The following FAF1 variants were observed in gnomAD, a reference collection of about 807,000 sequenced individuals.
The protein encoded by FAF1 is FAS-associated factor 1.
A neutral mutation model predicts 92.5 loss-of-function variants in FAF1; 25 were observed. The observed-to-expected ratio is 0.27, with a 90% CI of 0.20 to 0.38. The LOEUF (loss-of-function observed/expected upper bound fraction) is 0.38, where lower values mean the gene tolerates loss of function less well. FAF1 is among the 10% of genes least tolerant of loss of function. The pLI is 1.00. For missense variants in FAF1, 636 were observed against 793.3 expected (o/e 0.80, Z 2.38); for synonymous variants, 234 against 273.2 (o/e 0.86, Z 1.42).
At chr1:50,558,784 G>A (rs1572833199) in intron 13 of FAF1, among the ~76,000 whole-genome samples, 1 of 152,192 alleles carries the variant, frequency 6.6e-6, no homozygotes, top group East Asian at 1.9e-4. Context: ...GATTAGTGCA[G>A]AGGAAAATGA....
chr1:50,642,573 C>T (rs1019486217), intron 8 of FAF1, among the ~76,000 whole-genome samples: 2 of 151,658 alleles, frequency 1.3e-5, no homozygotes, highest in African/African-American at 2.4e-5. Flanking sequence ...CACTTGAACC[C>T]GGGAGGCAGA....
chr1:50,490,967 T>G lies in FAF1; in HGVS notation c.1576-302A>C, dbSNP rs138647833. Among the ~76,000 whole-genome samples, 1,012 of 152,318 alleles carry G rather than the reference T, an allele frequency of 6.6e-3. 15 individuals are homozygous for G. Among genetic ancestry groups the G allele is most frequent in the African/African-American group, 0.023 (945 of 41,566 alleles). On this transcript the variant is annotated intron_variant, in intron 16 of 18. Transcript: ENST00000396153. ...CAGGACATCCTTTGGTCTTCCTTTCTGACCTTTTCTATCTACCCTGTACCC... is the reference window on the plus strand; with the variant it reads ...CAGGACATCCTTTGGTCTTCCTTTCGGACCTTTTCTATCTACCCTGTACCC...
chr1:50,467,228 C>T (rs1242898391), intron 18 of FAF1, among the ~76,000 whole-genome samples: 6 of 152,044 alleles, frequency 3.9e-5, no homozygotes, highest in Non-Finnish European at 5.9e-5. Flanking sequence ...GGCAGTGACC[C>T]AGAAATAGGA....
At chr1:50,762,562 C>T (rs1352862520) in intron 4 of FAF1, among the ~76,000 whole-genome samples, 1 of 152,070 alleles carries the variant, frequency 6.6e-6, no homozygotes, top group Middle Eastern at 3.2e-3. Context: ...TGATCTTTGA[C>T]AAACCTGAGA....
At position 50,705,899 on chromosome 1, in the gene FAF1, G is replaced by C. The variant is rs779210306; in HGVS notation, c.552-8C>G. ...AATGACTCCTGCAGGGCACTGAAAGGGTTGAAAGAAAAACAAGGAACTCAG... is the reference window on the plus strand; with the variant it reads ...AATGACTCCTGCAGGGCACTGAAAGCGTTGAAAGAAAAACAAGGAACTCAG... On this transcript the variant is annotated splice_region_variant and splice_polypyrimidine_tract_variant and intron_variant, in intron 6 of 18. Transcript: ENST00000396153. The C allele has an allele frequency of 8.9e-6, 14 of 1,564,436 alleles. No individual in the cohort carries two copies. In the African/African-American group the frequency reaches 1.1e-4, roughly 12 times the overall value.
chr1:50,731,827 T>A (rs1452310107), intron 6 of FAF1, among the ~76,000 whole-genome samples: 7 of 152,192 alleles, frequency 4.6e-5, no homozygotes, highest in African/African-American at 7.2e-5. Flanking sequence ...TAAATTGTTT[T>A]GAAGTAAATT....
chr1:50,721,921 G>A lies in FAF1; in HGVS notation c.552-16030C>T, dbSNP rs1341543525. ...TTACAGTAGGAAGCCACTGTGCCTG[G>A]CCAGGTCTCCTTTTCTGCTGCACTG... On this transcript the variant is annotated intron_variant, in intron 6 of 18. Transcript: ENST00000396153. Among the ~76,000 whole-genome samples the A allele has an allele frequency of 3.3e-5, 5 of 152,112 alleles. No individual in the cohort carries two copies. In the East Asian group the frequency reaches 9.6e-4, roughly 29 times the overall value.
intron 1 of FAF1, among the ~76,000 whole-genome samples, chr1:50,948,064 G>C (rs181095751): frequency 6.6e-6 from 1 of 152,260 alleles, no homozygotes; most frequent in East Asian, 1.9e-4. Flanking sequence ...AAAGAAGAGA[G>C]ATGTACAAAA....
chr1:50,456,988 T>C (rs899141814), intron 18 of FAF1, among the ~76,000 whole-genome samples: 1 of 152,242 alleles, frequency 6.6e-6, no homozygotes, highest in Non-Finnish European at 1.5e-5. Context: ...TTTCTGCTTT[T>C]GGTTTTCCTA....
chr1:50,958,980 G>A (rs985671659), intron 1 of FAF1, among the ~76,000 whole-genome samples: 11 of 152,210 alleles, frequency 7.2e-5, no homozygotes, highest in African/African-American at 2.7e-4. Flanking sequence ...AATGCATACA[G>A]TTCTACTTTC....
At chr1:50,944,364 GAAAGAAAATGAACATTA>G (rs1645157891) in intron 1 of FAF1, among the ~76,000 whole-genome samples, 1 of 152,172 alleles carries the variant, frequency 6.6e-6, no homozygotes, top group South Asian at 2.1e-4. Flanking sequence ...GGGCGATTCT[GAAAGAAAATGAACATTA>G]ATGTCTTTAC....
Position 50,857,993 on chromosome 1 carries a change from C to A in FAF1, c.50G>T (p.Cys17Phe). The A allele has an allele frequency of 6.3e-7, 1 of 1,591,694 alleles. No homozygotes were observed. Among genetic ancestry groups the A allele is most frequent in the Non-Finnish European group, 8.6e-7 (1 of 1,168,934 alleles). Residue 17 changes from cysteine (C) to phenylalanine (F), a missense_variant, in exon 2 of 19, where the codon TGT (cysteine) becomes TTT (phenylalanine). Cys to Phe is a radical substitution (Grantham distance 205). Coordinates refer to ENST00000396153, the MANE Select transcript of FAF1 (RefSeq NM_007051.3). ...TTCGTCAATGTTTTCAATGCCAGTA[C>A]ATGCCTGGAAAGAAAGTAAATAAGC... ...REMILADFQA[C>F]TGIENIDEAI...
chr1:50,931,434 T>G (rs560809355), intron 1 of FAF1, among the ~76,000 whole-genome samples: 1 of 151,782 alleles, frequency 6.6e-6, no homozygotes, highest in African/African-American at 2.4e-5. Context: ...CAGTTCCACA[T>G]AGCTGGGGAA....
chr1:50,667,766 G>GA (rs922825685), intron 7 of FAF1, among the ~76,000 whole-genome samples: 2 of 151,660 alleles, frequency 1.3e-5, no homozygotes, highest in East Asian at 1.9e-4. Context: ...TTTTCTTCAA[G>GA]AAAAAAGATT....
intron 8 of FAF1, among the ~76,000 whole-genome samples, chr1:50,631,366 T>C (rs1037316965): frequency 6.6e-6 from 1 of 152,176 alleles, no homozygotes; most frequent in Non-Finnish European, 1.5e-5. Flanking sequence ...ACATAAATCA[T>C]CCCTTTGTCC....
At chr1:50,715,309 G>T (rs1007440238) in intron 6 of FAF1, among the ~76,000 whole-genome samples, 2 of 152,156 alleles carry the variant, frequency 1.3e-5, no homozygotes, top group Admixed American at 6.5e-5. Flanking sequence ...AATTGAAGGT[G>T]GCGGGGTGGG....
rs1175670294 is a variant in FAF1 at position 50,478,455 on chromosome 1, G to A, written c.1654-2776C>T. Among the ~76,000 whole-genome samples, 6 of 152,202 alleles carry A rather than the reference G, an allele frequency of 3.9e-5. No individual in the cohort carries two copies. The South Asian group carries it at 1.2e-3, about 32-fold the overall frequency. On this transcript the variant is annotated intron_variant, in intron 17 of 18. Coordinates refer to ENST00000396153, the MANE Select transcript of FAF1 (RefSeq NM_007051.3). The stretch of plus-strand genomic sequence containing the variant: ...TGGGATTACAGGTGTGAACCACTGC[G>A]CCTGGCCACAATGGTGGTTCTTTAC...
intron 4 of FAF1, among the ~76,000 whole-genome samples, chr1:50,751,531 A>G (rs2124510852): frequency 6.6e-6 from 1 of 152,144 alleles, no homozygotes; most frequent in Middle Eastern, 3.4e-3. Flanking sequence ...TTTAGTAGAA[A>G]CAGGGTTTCA....
intron 8 of FAF1, among the ~76,000 whole-genome samples, chr1:50,624,394 G>A (rs542662114): frequency 4.6e-5 from 7 of 152,150 alleles, no homozygotes; most frequent in African/African-American, 1.4e-4. Context: ...TGATCTGCCC[G>A]CCTCGGCCTC....
Sources: allele counts gnomAD v4.1 joint callset (sites outside exome capture counted in the v4.1 genomes callset), GRCh38; gene constraint gnomAD v4.1.1; transcripts MANE v1.5; gene names NCBI Gene and HGNC (gene_info 2026-07-23, HGNC 2026-07-21).